The following VPREB3 variants were observed in gnomAD, a reference collection of about 807,000 sequenced individuals.
The protein encoded by VPREB3 is pre-B lymphocyte protein 3.
VPREB3 carries 14 observed loss-of-function variants against 12.9 expected under a neutral mutation model. The ratio of observed to expected loss-of-function variants is 1.09; its 90% confidence interval spans 0.72 to 1.70. The LOEUF is 1.70. VPREB3 is among the 40% of genes most tolerant of loss of function. VPREB3 has a pLI of 0.00. For missense variants in VPREB3, 165 were observed against 159.6 expected (o/e 1.03, Z -0.18); for synonymous variants, 78 against 70.1 (o/e 1.11, Z -0.56).
chr22:23,753,565 G>A (rs781597602), intron 1 of VPREB3, among the ~76,000 whole-genome samples: 12 of 151,844 alleles, frequency 7.9e-5, no homozygotes, highest in African/African-American at 2.9e-4. Context: ...CCACTTCCCC[G>A]CCCACTTCAC....
At position 23,753,297 on chromosome 22, in the gene VPREB3, C is replaced by A. The variant is rs1373737015; in HGVS notation, c.50-99G>T. 6 of 1,263,736 alleles carry A rather than the reference C, an allele frequency of 4.7e-6. No individual in the cohort carries two copies. The South Asian group carries it at 8.8e-5, about 18-fold the overall frequency. 78.3% of individuals were successfully genotyped at this position (1,263,736 alleles called of 1,614,324 possible). ...CATGGAGACTCCCAGTCCCAAAGGG[C>A]TCATAGCCCAGTGCTATGGGATTAG... On this transcript the variant is annotated intron_variant, in intron 1 of 1. Coordinates refer to ENST00000248948, the MANE Select transcript of VPREB3 (RefSeq NM_013378.3).
In VPREB3 at chr22:23,753,051, C is replaced by A. The variant is rs763784749; in HGVS notation, c.197G>T (p.Arg66Leu). 12 of 1,614,104 alleles carry A rather than the reference C, an allele frequency of 7.4e-6. No individual in the cohort carries two copies. Among genetic ancestry groups the A allele is most frequent in the Non-Finnish European group, 1.0e-5 (12 of 1,180,014 alleles). ...CTCCGAGCGGTAGTAGAGGAGATAT[C>A]GAGGGGCACTGCCTGCCCGCTGCTG... ...WYQQRAGSAPRYLLYYRSEED... is the reference protein window; with the variant it reads ...WYQQRAGSAPLYLLYYRSEED... The change falls in exon 2 of 2, where the codon CGA becomes CTA. Residue 66 changes from arginine (R) to leucine (L), a missense_variant. Transcript: ENST00000248948.
intron 1 of VPREB3, 93 bp downstream of exon 1, chr22:23,754,222 G>A (rs1210453348): frequency 5.2e-6 from 7 of 1,336,110 alleles, no homozygotes; most frequent in African/African-American, 4.4e-5. Context: ...CTGCCCTACT[G>A]TCCCCATCGA....
intron 1 of VPREB3, among the ~76,000 whole-genome samples, chr22:23,753,501 C>T (rs527384231): frequency 1.1e-3 from 174 of 152,286 alleles, no homozygotes; most frequent in African/African-American, 3.9e-3. Flanking sequence ...CTAGCAGCCT[C>T]TAGGTCCCTC....
chr22:23,752,990 T>C lies in VPREB3; in HGVS notation c.258A>G (p.Arg86=). 1 of 1,614,070 alleles carries C rather than the reference T, an allele frequency of 6.2e-7. No individual in the cohort carries two copies. ...GGGCCTCATCCTTGGCTGCCGAGAA[T>C]CGATCGGGGATGTCAGCAGGCCGGT... is the stretch of plus-strand genomic sequence containing the variant. ...DHHRPADIPD[R]FSAAKDEAHN... Residue 86 remains arginine, a synonymous_variant, in exon 2 of 2, where the codon CGA becomes CGG. Coordinates refer to ENST00000248948, the MANE Select transcript of VPREB3 (RefSeq NM_013378.3).
Position 23,753,030 on chromosome 22 carries a change from G to A in VPREB3, c.218C>T (p.Ser73Leu), listed in dbSNP as rs149363275. ...SAPRYLLYYR[S>L]EEDHHRPADI... ...AGCAGGCCGGTGGTGATCCTCCTCC[G>A]AGCGGTAGTAGAGGAGATATCGAGG... The change falls in exon 2 of 2, where the codon TCG becomes TTG. Residue 73 changes from serine to leucine, a missense_variant. Physicochemically the swap from Ser to Leu is moderately radical, Grantham distance 145. Coordinates refer to ENST00000248948, the MANE Select transcript of VPREB3 (RefSeq NM_013378.3). 1.4e-5 allele frequency: 23 copies of A among 1,614,000 alleles called. No individual in the cohort carries two copies. In the African/African-American group the frequency reaches 1.6e-4, roughly 11 times the overall value.
At position 23,754,418 on chromosome 22, in the gene VPREB3, G is replaced by C. The variant is rs1337854804; in HGVS notation, c.-55C>G. 1 of 1,557,548 alleles carries C rather than the reference G, an allele frequency of 6.4e-7. No homozygotes were observed. The highest frequency in any genetic ancestry group is 8.7e-7 in the Non-Finnish European group (1 of 1,144,226). ...AGTTCTGCAAGGCTATATGCTCCAG[G>C]TGCTTTGGGGCACAGGGCTGGGAAG... On this transcript the variant is annotated 5_prime_UTR_variant, in exon 1 of 2. Transcript: ENST00000248948.
In VPREB3 at chr22:23,754,309, AT is replaced by A. The variant is rs759348532; in HGVS notation, c.49+5del. 91 of 1,600,904 alleles carry A rather than the reference AT, an allele frequency of 5.7e-5. 1 individual carries two copies. The Middle Eastern group carries it at 8.3e-4, about 15-fold the overall frequency. Reference sequence around the variant, plus strand: ...CCCAGGTGACTGAGGCCCAGGAAAGATTCACCTGACAGGAAGGTCCCCATCA... The same window carrying A: ...CCCAGGTGACTGAGGCCCAGGAAAGATCACCTGACAGGAAGGTCCCCATCA... On this transcript the variant is annotated splice_donor_5th_base_variant and intron_variant, in intron 1 of 1. Coordinates refer to ENST00000248948, the MANE Select transcript of VPREB3 (RefSeq NM_013378.3).
Position 23,753,059 on chromosome 22 carries a change from A to G in VPREB3, c.189T>C (p.Ser63=), listed in dbSNP as rs954866148. 6 of 1,614,066 alleles carry G rather than the reference A, an allele frequency of 3.7e-6. No homozygotes were observed. Among genetic ancestry groups the G allele is most frequent in the African/African-American group, 1.3e-5 (1 of 74,928 alleles). Residue 63 remains serine, a synonymous_variant, in exon 2 of 2, where the codon AGT becomes AGC. Coordinates refer to ENST00000248948, the MANE Select transcript of VPREB3 (RefSeq NM_013378.3). ...GGTAGTAGAGGAGATATCGAGGGGC[A>G]CTGCCTGCCCGCTGCTGGTACCAGG... ...GVSWYQQRAG[S]APRYLLYYRS... is the part of the protein sequence containing the mutation.
chr22:23,754,247 G>A, intron 1 of VPREB3, 68 bp downstream of exon 1: 1 of 1,530,340 alleles, frequency 6.5e-7, no homozygotes, highest in Non-Finnish European at 8.9e-7. Flanking sequence ...CCTCCTTGCA[G>A]GGGCCTTCTG....
At chr22:23,753,645 A>G (rs569187721) in intron 1 of VPREB3, among the ~76,000 whole-genome samples, 1 of 152,050 alleles carries the variant, frequency 6.6e-6, no homozygotes, top group African/African-American at 2.4e-5. Context: ...CCACACATCA[A>G]CTCAGCCTCA....
chr22:23,753,241 ACC>A, intron 1 of VPREB3, 43 bp from the exon 2 acceptor site: 1 of 1,507,292 alleles, frequency 6.6e-7, no homozygotes, highest in East Asian at 2.5e-5. Context: ...CTTCCCTCCC[ACC>A]CCTGCCCTGT....
chr22:23,753,588 A>G (rs1925427465), intron 1 of VPREB3, among the ~76,000 whole-genome samples: 1 of 152,054 alleles, frequency 6.6e-6, no homozygotes, highest in South Asian at 2.1e-4. Flanking sequence ...CAGCTCTTCC[A>G]AACCCTGAAT....
At position 23,753,195 on chromosome 22, in the gene VPREB3, G is replaced by T. The variant is rs1184485862; in HGVS notation, c.53C>A (p.Ser18Tyr). 6.3e-7 allele frequency: 1 copy of T among 1,585,370 alleles called. No individual in the cohort carries two copies. Among genetic ancestry groups the T allele is most frequent in the Admixed American group, 1.8e-5 (1 of 55,478 alleles). Residue 18 changes from serine to tyrosine, a missense_variant, in exon 2 of 2, where the codon TCC becomes TAC. Coordinates refer to ENST00000248948, the MANE Select transcript of VPREB3 (RefSeq NM_013378.3). ...ATCCAGCTGGGCCAGGACTGTCTGG[G>T]AAACTGCGAGACACAAACCCACTCA... ...FLLMGTFLSV[S>Y]QTVLAQLDAL...
chr22:23,752,778 A>G lies in VPREB3; in HGVS notation c.*98T>C. 1 of 1,177,034 alleles carries G rather than the reference A, an allele frequency of 8.5e-7. No homozygotes were observed. Among genetic ancestry groups the G allele is most frequent in the Non-Finnish European group, 1.2e-6 (1 of 826,008 alleles). 72.9% of individuals were successfully genotyped at this position (1,177,034 alleles called of 1,614,324 possible). On this transcript the variant is annotated 3_prime_UTR_variant, in exon 2 of 2. Coordinates refer to ENST00000248948, the MANE Select transcript of VPREB3 (RefSeq NM_013378.3). The stretch of plus-strand genomic sequence containing the variant: ...ATGTTGAATATTATTAACCCATTTT[A>G]CAGAGGGGAAGCAAGGCTCAGAGAA...
intron 1 of VPREB3, 84 bp downstream of exon 1, chr22:23,754,231 G>C (rs1320630841): frequency 1.7e-4 from 242 of 1,439,216 alleles, no homozygotes; most frequent in Non-Finnish European, 2.3e-4. Flanking sequence ...TGTCCCCATC[G>C]ATTTGCCTCC....
In VPREB3 at chr22:23,753,170, A is replaced by G. The variant is rs1293170857; in HGVS notation, c.78T>C (p.Asp26=). Residue 26 remains aspartate (D), a synonymous_variant, in exon 2 of 2, where the codon GAT becomes GAC. Coordinates refer to ENST00000248948, the MANE Select transcript of VPREB3 (RefSeq NM_013378.3). ...CTTGGCCTGGGAAGACCAGCAGTGC[A>G]TCCAGCTGGGCCAGGACTGTCTGGG... The part of the protein sequence containing the change: ...SVSQTVLAQL[D]ALLVFPGQVA... The G allele has an allele frequency of 1.9e-6, 3 of 1,606,768 alleles. No homozygotes were observed. Among genetic ancestry groups the G allele is most frequent in the African/African-American group, 1.3e-5 (1 of 74,848 alleles).
In VPREB3 at chr22:23,753,191, C is replaced by G. The variant is rs11702993; in HGVS notation, c.57G>C (p.Gln19His). The G allele has an allele frequency of 6.3e-7, 1 of 1,590,956 alleles. No individual in the cohort carries two copies. The highest frequency in any genetic ancestry group is 8.6e-7 in the Non-Finnish European group (1 of 1,168,850). The change falls in exon 2 of 2, where the codon CAG (glutamine) becomes CAC (histidine). Residue 19 changes from glutamine (Q) to histidine (H), a missense_variant. Transcript: ENST00000248948. ...GTGCATCCAGCTGGGCCAGGACTGT[C>G]TGGGAAACTGCGAGACACAAACCCA... is the stretch of plus-strand genomic sequence containing the variant. ...LLMGTFLSVS[Q>H]TVLAQLDALL...
At position 23,753,057 on chromosome 22, in the gene VPREB3, G is replaced by C; in HGVS notation, c.191C>G (p.Ala64Gly). 1 of 1,614,162 alleles carries C rather than the reference G, an allele frequency of 6.2e-7. No homozygotes were observed. Among genetic ancestry groups the C allele is most frequent in the Non-Finnish European group, 8.5e-7 (1 of 1,180,026 alleles). The change falls in exon 2 of 2, where the codon GCC (alanine) becomes GGC (glycine). Residue 64 changes from alanine to glycine, a missense_variant. Coordinates refer to ENST00000248948, the MANE Select transcript of VPREB3 (RefSeq NM_013378.3). The part of the protein sequence containing the change: ...VSWYQQRAGS[A>G]PRYLLYYRSE... ...GCGGTAGTAGAGGAGATATCGAGGG[G>C]CACTGCCTGCCCGCTGCTGGTACCA...
Sources: allele counts gnomAD v4.1 joint callset (sites outside exome capture counted in the v4.1 genomes callset), GRCh38; gene constraint gnomAD v4.1.1; transcripts MANE v1.5; gene names NCBI Gene and HGNC (gene_info 2026-07-23, HGNC 2026-07-21).